The following SNHG17 variants were observed in gnomAD, a reference collection of about 807,000 sequenced individuals.
SNHG17 encodes the protein small nucleolar RNA host gene 17.
At chr20:38,425,262 C>T (rs761029486) in intron 5 of SNHG17, 1 of 519,156 alleles carries the variant, frequency 1.9e-6, no homozygotes, top group Middle Eastern at 3.2e-4. Context: ...GAAGCGCTTT[C>T]ATTGATTCCT....
chr20:38,422,703 A>G (rs892793469), intron 5 of SNHG17, among the ~76,000 whole-genome samples: 6 of 152,138 alleles, frequency 3.9e-5, no homozygotes, highest in African/African-American at 1.4e-4. Context: ...TACGGAAACA[A>G]TCTAAGTCTC....
chr20:38,425,286 C>A, intron 5 of SNHG17: 1 of 519,186 alleles, frequency 1.9e-6, no homozygotes, highest in Non-Finnish European at 3.8e-6. Flanking sequence ...CCTGCACTAT[C>A]AATGACCAGG....
At chr20:38,428,687 C>A (rs921929149) in intron 3 of SNHG17, 1 of 152,250 alleles carries the variant, frequency 6.6e-6, no homozygotes, top group African/African-American at 2.4e-5. Flanking sequence ...GATGCTGGGG[C>A]CATGATGATC....
intron 3 of SNHG17, chr20:38,427,310 GT>G: frequency 2.0e-6 from 1 of 504,802 alleles, no homozygotes; most frequent in Non-Finnish European, 3.9e-6. Context: ...AACAGGAGTT[GT>G]GTGAAAGCTT....
intron 5 of SNHG17, among the ~76,000 whole-genome samples, chr20:38,423,767 A>G (rs2084198918): frequency 6.6e-6 from 1 of 152,140 alleles, no homozygotes; most frequent in African/African-American, 2.4e-5. Context: ...TGACTATGTG[A>G]GATAACAGAC....
chr20:38,434,119 A>C, intron 2 of SNHG17: 1 of 427,062 alleles, frequency 2.3e-6, no homozygotes, highest in East Asian at 5.9e-5. Context: ...CTTCACAGGC[A>C]GATTCCATCT....
chr20:38,434,904 G>A (rs577816482), intron 1 of SNHG17: 3 of 1,219,196 alleles, frequency 2.5e-6, no homozygotes, highest in South Asian at 8.6e-5. Flanking sequence ...AGCTAAAGTC[G>A]CCGAGCCCTG....
intron 6 of SNHG17, chr20:38,421,239 A>G (rs1189168848): frequency 6.6e-6 from 1 of 152,254 alleles, no homozygotes; most frequent in Non-Finnish European, 1.5e-5. Context: ...CCCAACAGAA[A>G]GGACATGAAA....
intron 5 of SNHG17, chr20:38,425,930 C>T (rs546183724): frequency 6.6e-6 from 1 of 152,540 alleles, no homozygotes; most frequent in East Asian, 1.9e-4. Flanking sequence ...TGCAGCAGCA[C>T]GTACCTGTGG....
At chr20:38,430,101 G>C (rs969756375) in intron 3 of SNHG17, among the ~76,000 whole-genome samples, 3 of 152,122 alleles carry the variant, frequency 2.0e-5, no homozygotes, top group Non-Finnish European at 4.4e-5. Context: ...TGGATCATCT[G>C]AGGTCAGGAG....
Position 38,424,299 on chromosome 20 carries a change from C to T in SNHG17, n.579+1636G>A, listed in dbSNP as rs73905612. 6.9e-3 allele frequency among the ~76,000 whole-genome samples: 1,045 copies of T among 152,074 alleles called. 11 individuals are homozygous for T. The highest frequency in any genetic ancestry group is 0.024 in the African/African-American group (981 of 41,490). ...ATGAACAGGTGGGGTGGGAGAGCCC[C>T]GCACCTACCATCTAGTGTGTAAGAG... is the stretch of plus-strand genomic sequence containing the variant. On this transcript the variant is annotated intron_variant and non_coding_transcript_variant, in intron 5 of 8. Transcript: ENST00000654008.
chr20:38,426,989 TACACATACACACACACACACAC>T lies in SNHG17; in HGVS notation n.381-508_381-487del, dbSNP rs1283879813. Among the ~76,000 whole-genome samples, 220 of 112,754 alleles carry T rather than the reference TACACATACACACACACACACAC, an allele frequency of 2.0e-3. 3 individuals are homozygous for T. Among genetic ancestry groups the T allele is most frequent in the African/African-American group, 0.01 (206 of 20,492 alleles). 74.0% of individuals were successfully genotyped at this position (112,754 alleles called of 152,430 possible). On this transcript the variant is annotated intron_variant and non_coding_transcript_variant, in intron 3 of 8. Coordinates refer to ENST00000654008, the Ensembl canonical transcript of SNHG17. Reference sequence around the variant, plus strand: ...ATGCTACCCTATCCTGTCCCCAAGTTACACATACACACACACACACACACACACACACACACACACACACGGG... The same window carrying T: ...ATGCTACCCTATCCTGTCCCCAAGTTACACACACACACACACACACACGGG...
At chr20:38,434,558 G>C (rs1568867214) in exon 2 of SNHG17, 1 of 161,798 alleles carries the variant, frequency 6.2e-6, no homozygotes, top group Non-Finnish European at 1.4e-5. Flanking sequence ...GTGCAGATCA[G>C]AGTGCTGCAG....
chr20:38,432,117 C>A (rs1600768491), intron 2 of SNHG17: 7 of 985,326 alleles, frequency 7.1e-6, no homozygotes, highest in Non-Finnish European at 8.4e-6. Context: ...CTAGACATCA[C>A]CTGGTCAAAC....
At chr20:38,429,487 G>A (rs1427071781) in intron 3 of SNHG17, among the ~76,000 whole-genome samples, 2 of 152,156 alleles carry the variant, frequency 1.3e-5, no homozygotes, top group Admixed American at 1.3e-4. Context: ...CGGGAGGAAG[G>A]AGCAGGGCAG....
chr20:38,434,819 G>A (rs1284126361), intron 1 of SNHG17: 1 of 983,204 alleles, frequency 1.0e-6, no homozygotes, highest in Non-Finnish European at 1.2e-6. Flanking sequence ...CAAGGACGTG[G>A]CACAATGACT....
At chr20:38,427,124 C>A (rs2084262993) in intron 3 of SNHG17, among the ~76,000 whole-genome samples, 1 of 139,548 alleles carries the variant, frequency 7.2e-6, no homozygotes, top group Non-Finnish European at 1.6e-5. Flanking sequence ...TCCACTGCGA[C>A]ACACCATGAC....
intron 5 of SNHG17, among the ~76,000 whole-genome samples, chr20:38,422,850 G>A (rs975343886): frequency 6.6e-6 from 1 of 152,166 alleles, no homozygotes; most frequent in South Asian, 2.1e-4. Flanking sequence ...CAGTACTTTG[G>A]GGGGCCGAGG....
intron 3 of SNHG17, chr20:38,429,041 G>C (rs912170355): frequency 6.6e-6 from 1 of 152,344 alleles, no homozygotes; most frequent in Non-Finnish European, 1.5e-5. Context: ...TAATGAACCC[G>C]ATCTCCTTAC....
Sources: gnomAD v4.1 joint callset for allele counts (sites outside exome capture counted in the v4.1 genomes callset) on GRCh38, gnomAD v4.1.1 for gene constraint, MANE v1.5 for transcripts, NCBI Gene and HGNC (gene_info 2026-07-23, HGNC 2026-07-21) for gene names.